MBD5: variants seen among roughly 807,000 people sequenced by gnomAD.
MBD5 encodes methyl-CpG binding domain protein 5, also known as methyl-CpG-binding domain protein 5.
MBD5 carries 13 observed loss-of-function variants against 117.3 expected under a neutral mutation model. That is an observed-to-expected ratio of 0.11 (90% CI 0.07 to 0.18). MBD5 has a LOEUF of 0.18. MBD5 is among the 10% of genes least tolerant of loss of function. MBD5 has a pLI of 1.00. For missense variants in MBD5, 1,879 were observed against 2,093.8 expected (o/e 0.90, Z 2.00); for synonymous variants, 727 against 766.4 (o/e 0.95, Z 0.85).
rs752983553 is a variant in MBD5 at position 148,485,917 on chromosome 2, T to G, written c.3720T>G (p.Asn1240Lys). 6.2e-7 allele frequency: 1 copy of G among 1,614,068 alleles called. No individual in the cohort carries two copies. The highest frequency in any genetic ancestry group is 1.1e-5 in the South Asian group (1 of 91,084). ...CCACAATTCCTTGCCCAGCTAACAA[T>G]AACCCCATGGCTTGTCTGTTTCAGA... The part of the protein sequence containing the change: ...GQSTIPCPAN[N>K]NPMACLFQNF... The change falls in exon 10 of 14, where the codon AAT (asparagine) becomes AAG (lysine). Residue 1240 changes from asparagine to lysine, a missense_variant. Physicochemically the swap from Asn to Lys is moderately conservative, Grantham distance 94 (BLOSUM62 0). Around this residue, in one of 4 missense-constraint regions of MBD5, gnomAD observed 1,666 missense variants for 1,792.2 expected, o/e 0.93. Coordinates refer to ENST00000642680, the MANE Select transcript of MBD5 (RefSeq NM_001378120.1).
At chr2:148,397,455 G>A (rs1249326281) in intron 4 of MBD5, among the ~76,000 whole-genome samples, 3 of 148,590 alleles carry the variant, frequency 2.0e-5, no homozygotes, top group Non-Finnish European at 4.4e-5. Flanking sequence ...TCAGCCTCCC[G>A]AGTAGCTGGG....
rs1487273580 is a variant in MBD5, at chr2:148,514,103, A to G, written c.*1162A>G. 1 of 152,224 alleles carries G rather than the reference A, an allele frequency of 6.6e-6. No homozygotes were observed. Among genetic ancestry groups the G allele is most frequent in the Non-Finnish European group, 1.5e-5 (1 of 68,044 alleles). The allele number at this position is 152,224 out of a possible 1,614,324, so 9.4% of individuals were successfully genotyped here. On this transcript the variant is annotated 3_prime_UTR_variant, in exon 14 of 14. Coordinates refer to ENST00000642680, the MANE Select transcript of MBD5 (RefSeq NM_001378120.1). ...TATTAGCAATGGTAATTTTTTTATC[A>G]GTATTGTGTAACATATCAGATTTAT...
At chr2:148,081,513 C>G (rs1327216355) in intron 1 of MBD5, among the ~76,000 whole-genome samples, 1 of 152,164 alleles carries the variant, frequency 6.6e-6, no homozygotes, top group Non-Finnish European at 1.5e-5. Flanking sequence ...ATACCTTGAA[C>G]TAGCTGAGAA....
chr2:148,454,729 C>G (rs992248226), intron 4 of MBD5, among the ~76,000 whole-genome samples: 3 of 151,814 alleles, frequency 2.0e-5, no homozygotes, highest in Non-Finnish European at 2.9e-5. Context: ...TTTAAATAAG[C>G]AAAAATGACA....
chr2:148,111,505 G>A (rs1696502917), intron 1 of MBD5, among the ~76,000 whole-genome samples: 1 of 152,050 alleles, frequency 6.6e-6, no homozygotes, highest in Admixed American at 6.6e-5. Flanking sequence ...GGAAAAAAAA[G>A]CAAAAACAAC....
At position 148,066,138 on chromosome 2, in the gene MBD5, A is replaced by G. The variant is rs576070797; in HGVS notation, c.-925+44454A>G. 1.2e-4 allele frequency among the ~76,000 whole-genome samples: 19 copies of G among 152,200 alleles called. No homozygotes were observed. In the South Asian group the frequency reaches 1.9e-3, roughly 15 times the overall value. The stretch of plus-strand genomic sequence containing the variant: ...ATTATAGTGAGACTTCATGTCTCCA[A>G]AAATTTTTTTTAAAAAAATGAGCCG... On this transcript the variant is annotated intron_variant, in intron 1 of 13. Transcript: ENST00000642680.
chr2:148,177,363 C>T (rs1369707600), intron 1 of MBD5, among the ~76,000 whole-genome samples: 28 of 152,066 alleles, frequency 1.8e-4, no homozygotes, highest in Admixed American at 1.8e-3. Flanking sequence ...TGGGCATGCA[C>T]CTGGGGTTCT....
intron 1 of MBD5, among the ~76,000 whole-genome samples, chr2:148,103,344 G>T (rs1031018835): frequency 5.3e-5 from 8 of 152,044 alleles, no homozygotes; most frequent in African/African-American, 1.9e-4. Context: ...AAACATTGCA[G>T]CTTTGAAAAT....
Position 148,021,446 on chromosome 2 carries a change from A to G in MBD5, c.-1163A>G. ...AACCAAAAGCCTCTTAGCAACACAG[A>G]CCCTTTGCTGCTGCTGTTGCTGCTG... On this transcript the variant is annotated 5_prime_UTR_variant, in exon 1 of 14. Transcript: ENST00000642680. 1.8e-6 allele frequency: 1 copy of G among 566,356 alleles called. No individual in the cohort carries two copies. Among genetic ancestry groups the G allele is most frequent in the Non-Finnish European group, 3.4e-6 (1 of 294,260 alleles). 35.1% of individuals were successfully genotyped at this position (566,356 alleles called of 1,614,324 possible). A position where few individuals can be genotyped will look rare whatever the true frequency, so the allele number is the denominator to read the frequency against.
chr2:148,409,566 A>G (rs1459165418), intron 4 of MBD5, among the ~76,000 whole-genome samples: 2 of 148,434 alleles, frequency 1.3e-5, no homozygotes, highest in Non-Finnish European at 3.0e-5. Flanking sequence ...ACAGTTTTTA[A>G]GGGAACATAC....
rs141174539 is a variant in MBD5, at chr2:148,461,878, C to T, written c.114-704C>T. On this transcript the variant is annotated intron_variant, in intron 5 of 13. Coordinates refer to ENST00000642680, the MANE Select transcript of MBD5 (RefSeq NM_001378120.1). The stretch of plus-strand genomic sequence containing the variant: ...TGAAGTACCTACACGATTATTAGCC[C>T]GAAGACCTGCGAGGCACATTTCTGC... 2.2e-4 allele frequency among the ~76,000 whole-genome samples: 33 copies of T among 152,260 alleles called. No individual in the cohort carries two copies. In the East Asian group the frequency reaches 5.2e-3, roughly 24 times the overall value.
At chr2:148,217,364 C>A (rs1699583409) in intron 2 of MBD5, among the ~76,000 whole-genome samples, 2 of 152,134 alleles carry the variant, frequency 1.3e-5, no homozygotes, top group Non-Finnish European at 2.9e-5. Context: ...AGAGAGGGAG[C>A]CTTGTGCTCT....
At position 148,382,776 on chromosome 2, in the gene MBD5, A is replaced by C. The variant is rs144638412; in HGVS notation, c.-557+40440A>C. On this transcript the variant is annotated intron_variant, in intron 4 of 13. Transcript: ENST00000642680. ...CTGTCTCTCAAACCACAGTGCAATCAAACTAGAACTTGGGATTAAGAAACT... is the reference window on the plus strand; with the variant it reads ...CTGTCTCTCAAACCACAGTGCAATCCAACTAGAACTTGGGATTAAGAAACT... Among the ~76,000 whole-genome samples the C allele has an allele frequency of 8.9e-3, 1,361 of 152,346 alleles. 21 individuals are homozygous for C. Among genetic ancestry groups the C allele is most frequent in the African/African-American group, 0.031 (1,304 of 41,568 alleles).
rs1342910657 is a variant in MBD5, at chr2:148,490,045, A to G, written c.4413A>G (p.Pro1471=). 1 of 1,614,044 alleles carries G rather than the reference A, an allele frequency of 6.2e-7. No homozygotes were observed. Among genetic ancestry groups the G allele is most frequent in the Non-Finnish European group, 8.5e-7 (1 of 1,180,008 alleles). ...GGCCCAACAATGTCTCTACACTGCC[A>G]TTTCTGCCTGGGGAACAGCACCCAA... ...HERPNNVSTL[P]FLPGEQHPIL... is the part of the protein sequence containing the mutation. Residue 1471 remains proline, a synonymous_variant, in exon 11 of 14, where the codon CCA becomes CCG. Transcript: ENST00000642680.
At chr2:148,411,525 T>TC in intron 4 of MBD5, among the ~76,000 whole-genome samples, 1 of 148,924 alleles carries the variant, frequency 6.7e-6, no homozygotes, top group East Asian at 2.0e-4. Flanking sequence ...TTTTTTTTTT[T>TC]TTTTTTTTTG....
At chr2:148,045,780 C>T (rs747173053) in intron 1 of MBD5, among the ~76,000 whole-genome samples, 2 of 152,052 alleles carry the variant, frequency 1.3e-5, no homozygotes, top group Admixed American at 6.5e-5. Context: ...TGTCATTTCT[C>T]TTCTTTCTCC....
At chr2:148,266,370 A>C (rs894884798) in intron 3 of MBD5, among the ~76,000 whole-genome samples, 1 of 152,208 alleles carries the variant, frequency 6.6e-6, no homozygotes, top group African/African-American at 2.4e-5. Flanking sequence ...CTCTTGGCAC[A>C]TTAGGAATAG....
At chr2:148,225,893 C>T (rs1029810575) in intron 2 of MBD5, among the ~76,000 whole-genome samples, 1 of 152,024 alleles carries the variant, frequency 6.6e-6, no homozygotes, top group African/African-American at 2.4e-5. Context: ...TATCCTTGAC[C>T]TTTGGGAGTT....
At chr2:148,321,273 A>T (rs759615936) in intron 3 of MBD5, among the ~76,000 whole-genome samples, 1 of 152,204 alleles carries the variant, frequency 6.6e-6, no homozygotes, top group South Asian at 2.1e-4. Flanking sequence ...TGGGCCACAC[A>T]TAAAATACAC....
Sources: gnomAD v4.1 joint callset for allele counts (sites outside exome capture counted in the v4.1 genomes callset) on GRCh38, gnomAD v4.1.1 for gene constraint, gnomAD v4.1.1 regional missense constraint, MANE v1.5 for transcripts, NCBI Gene and HGNC (gene_info 2026-07-23, HGNC 2026-07-21) for gene names.